REC114: variants seen among roughly 807,000 people sequenced by gnomAD.
REC114 encodes REC114 meiotic recombination protein, also known as meiotic recombination protein REC114.
Under a neutral mutation model 31.3 loss-of-function variants are expected in REC114, and 27 were observed. The ratio of observed to expected loss-of-function variants is 0.86; its 90% CI spans 0.64 to 1.19. The LOEUF is 1.19. REC114 is among the 50% of genes most tolerant of loss of function. The probability of loss-of-function intolerance (pLI) is 0.00; values close to 1 mark genes in which losing one functional copy is unlikely to be tolerated. For synonymous variants in REC114, 134 were observed against 127.7 expected, an observed-to-expected ratio of 1.05 and a Z score of -0.33; for missense variants, 344 against 326.9, an observed-to-expected ratio of 1.05 and a Z score of -0.40.
At chr15:73,492,370 T>C (rs1442060646) in intron 2 of REC114, among the ~76,000 whole-genome samples, 2 of 152,202 alleles carry the variant, frequency 1.3e-5, no homozygotes, top group Non-Finnish European at 2.9e-5. Context: ...ATTTTGTGAA[T>C]ATATAACAAT....
intron 4 of REC114, among the ~76,000 whole-genome samples, chr15:73,552,816 A>G (rs1894410368): frequency 6.6e-6 from 1 of 151,856 alleles, no homozygotes; most frequent in Non-Finnish European, 1.5e-5. Context: ...TTTTGTCACT[A>G]TGTTTCTTTT....
chr15:73,463,033 A>G (rs999316230), intron 1 of REC114, among the ~76,000 whole-genome samples: 1 of 152,200 alleles, frequency 6.6e-6, no homozygotes, highest in Non-Finnish European at 1.5e-5. Context: ...TATCTCTAAA[A>G]GAAAAAGGAC....
At chr15:73,454,200 A>G (rs1023512206) in intron 1 of REC114, among the ~76,000 whole-genome samples, 4 of 152,228 alleles carry the variant, frequency 2.6e-5, no homozygotes, top group African/African-American at 9.6e-5. Context: ...AGCACCCAAG[A>G]GAATGGAGGT....
intron 2 of REC114, among the ~76,000 whole-genome samples, chr15:73,529,883 G>A (rs555885085): frequency 2.6e-5 from 4 of 152,252 alleles, no homozygotes; most frequent in East Asian, 1.9e-4. Context: ...GACATAGCAC[G>A]TAATCTGGTA....
intron 2 of REC114, among the ~76,000 whole-genome samples, chr15:73,525,617 T>G (rs759368992): frequency 7.2e-5 from 11 of 152,114 alleles, no homozygotes; most frequent in Non-Finnish European, 1.0e-4. Flanking sequence ...ATTTAATTTG[T>G]AAATATTTGG....
chr15:73,552,404 T>C (rs1165580117), intron 4 of REC114, among the ~76,000 whole-genome samples: 2 of 152,252 alleles, frequency 1.3e-5, no homozygotes, highest in East Asian at 3.8e-4. Flanking sequence ...CAAAAATCAT[T>C]ATTTTGTTTT....
At position 73,495,082 on chromosome 15, in the gene REC114, G is replaced by A. The variant is rs1893500383; in HGVS notation, c.249+21161G>A. Among the ~76,000 whole-genome samples, 2 of 152,206 alleles carry A rather than the reference G, an allele frequency of 1.3e-5. 1 individual carries two copies. Among genetic ancestry groups the A allele is most frequent in the South Asian group, 4.1e-4 (2 of 4,822 alleles). ...TATTTAGTATGAAAATCTTAACCATGTGAAGCCAGTAATACCATTTTATTT... is the reference window on the plus strand; with the variant it reads ...TATTTAGTATGAAAATCTTAACCATATGAAGCCAGTAATACCATTTTATTT... On this transcript the variant is annotated intron_variant, in intron 2 of 5. Coordinates refer to ENST00000331090, the MANE Select transcript of REC114 (RefSeq NM_001042367.2).
At chr15:73,464,852 A>G (rs559241529) in intron 1 of REC114, among the ~76,000 whole-genome samples, 8 of 152,144 alleles carry the variant, frequency 5.3e-5, no homozygotes, top group South Asian at 4.2e-4. Context: ...TGAGACCTCA[A>G]TCCACCCTTC....
intron 2 of REC114, among the ~76,000 whole-genome samples, chr15:73,499,231 A>G (rs1365890799): frequency 6.6e-6 from 1 of 151,958 alleles, no homozygotes; most frequent in Non-Finnish European, 1.5e-5. Context: ...GCCAGCAGAA[A>G]GTGCAATTAC....
intron 2 of REC114, among the ~76,000 whole-genome samples, chr15:73,523,550 C>T (rs1475209430): frequency 6.6e-6 from 1 of 152,160 alleles, no homozygotes; most frequent in Non-Finnish European, 1.5e-5. Flanking sequence ...ACAGTTCATC[C>T]ACAAGGACAC....
rs886387765 is a variant in REC114, at chr15:73,540,359, T to C, written c.250-126T>C. 3.3e-5 allele frequency: 25 copies of C among 758,654 alleles called. No individual in the cohort carries two copies. The African/African-American group carries it at 3.8e-4, about 11-fold the overall frequency. 47.0% of individuals were successfully genotyped at this position (758,654 alleles called of 1,614,324 possible). ...ATCCTTGGCAACTGGTTTTATTGAGTCATTGCTACTATGTTTGAGTTACAC... is the reference window on the plus strand; with the variant it reads ...ATCCTTGGCAACTGGTTTTATTGAGCCATTGCTACTATGTTTGAGTTACAC... On this transcript the variant is annotated intron_variant, in intron 2 of 5. Coordinates refer to ENST00000331090, the MANE Select transcript of REC114 (RefSeq NM_001042367.2).
At chr15:73,556,272 G>A (rs900917883) in intron 4 of REC114, 30 bp from the exon 5 acceptor site, 1 of 1,579,972 alleles carries the variant, frequency 6.3e-7, no homozygotes, top group Non-Finnish European at 8.6e-7. Context: ...CATTCAGCTA[G>A]TCTCCTTATT....
chr15:73,477,861 C>A (rs1416445248), intron 2 of REC114, among the ~76,000 whole-genome samples: 2 of 151,884 alleles, frequency 1.3e-5, no homozygotes, highest in Non-Finnish European at 2.9e-5. Context: ...ACAATTAAAG[C>A]AATGTGGTAT....
At chr15:73,520,068 A>G (rs1186820108) in intron 2 of REC114, among the ~76,000 whole-genome samples, 1 of 152,214 alleles carries the variant, frequency 6.6e-6, no homozygotes. Context: ...CTGTGAATGC[A>G]TATATAATAT....
chr15:73,485,612 C>A lies in REC114; in HGVS notation c.249+11691C>A, dbSNP rs573231532. ...AGATCTGGTTACATAAAGTGTGTGGCGCTTGCTCACCACCTTGCTCCTGCT... is the reference window on the plus strand; with the variant it reads ...AGATCTGGTTACATAAAGTGTGTGGAGCTTGCTCACCACCTTGCTCCTGCT... On this transcript the variant is annotated intron_variant, in intron 2 of 5. Transcript: ENST00000331090. Among the ~76,000 whole-genome samples the A allele has an allele frequency of 5.9e-5, 9 of 152,228 alleles. No individual in the cohort carries two copies. In the East Asian group the frequency reaches 1.7e-3, roughly 29 times the overall value.
chr15:73,541,756 T>C (rs751693637), intron 3 of REC114, among the ~76,000 whole-genome samples: 1 of 150,074 alleles, frequency 6.7e-6, no homozygotes, highest in Non-Finnish European at 1.5e-5. Flanking sequence ...GACCATATCA[T>C]ACTGAATGAA....
chr15:73,507,137 T>C (rs1219786591), intron 2 of REC114, among the ~76,000 whole-genome samples: 1 of 152,164 alleles, frequency 6.6e-6, no homozygotes, highest in Admixed American at 6.5e-5. Flanking sequence ...ATATCTACAA[T>C]TAATAAGATA....
chr15:73,531,448 C>T (rs75133939), intron 2 of REC114, among the ~76,000 whole-genome samples: 5,010 of 152,236 alleles, frequency 0.033, 305 homozygotes, highest in African/African-American at 0.11. Context: ...TTTAGAAACG[C>T]ACTTCATAAT....
intron 2 of REC114, among the ~76,000 whole-genome samples, chr15:73,476,332 C>T (rs1035374007): frequency 4.6e-5 from 7 of 152,114 alleles, no homozygotes; most frequent in Non-Finnish European, 1.0e-4. Flanking sequence ...ATGTAACCAT[C>T]GCCACAATCA....
Sources: gnomAD v4.1 joint callset for allele counts (sites outside exome capture counted in the v4.1 genomes callset) on GRCh38, gnomAD v4.1.1 for gene constraint, MANE v1.5 for transcripts, NCBI Gene and HGNC (gene_info 2026-07-23, HGNC 2026-07-21) for gene names.